The following TULP4 variants were observed in gnomAD, a reference collection of about 807,000 sequenced individuals.
TULP4 encodes the protein tubby-related protein 4.
In TULP4, 16 loss-of-function variants were observed where a neutral mutation model predicts 129.0. The observed-to-expected ratio is 0.12, with a 90% CI of 0.08 to 0.19. The LOEUF is 0.19. TULP4 is among the 10% of genes least tolerant of loss of function. The probability of loss-of-function intolerance (pLI) is 1.00; values close to 1 mark genes in which losing one functional copy is unlikely to be tolerated. For synonymous variants in TULP4, 998 were observed against 854.0 expected, an observed-to-expected ratio of 1.17 and a Z score of -2.94; for missense variants, 1,842 against 2,059.1, an observed-to-expected ratio of 0.89 and a Z score of 2.04.
At chr6:158,254,855 C>G (rs9347167) in intron 1 of TULP4, among the ~76,000 whole-genome samples, 1 of 152,004 alleles carries the variant, frequency 6.6e-6, no homozygotes, top group African/African-American at 2.4e-5. Context: ...GTGGATCACC[C>G]GAGACCGGAA....
At chr6:158,489,964 T>C (rs144122889) in intron 9 of TULP4, among the ~76,000 whole-genome samples, 1 of 152,294 alleles carries the variant, frequency 6.6e-6, no homozygotes, top group Non-Finnish European at 1.5e-5. Context: ...AGAACTTCTC[T>C]AGGGGTTAGC....
chr6:158,470,343 T>C (rs1779650934), intron 6 of TULP4, among the ~76,000 whole-genome samples: 3 of 152,056 alleles, frequency 2.0e-5, no homozygotes, highest in Non-Finnish European at 2.9e-5. Flanking sequence ...TAGAGTGAAA[T>C]AGAGTGAAAA....
chr6:158,438,516 A>C (rs762401016), intron 3 of TULP4, among the ~76,000 whole-genome samples: 6 of 152,206 alleles, frequency 3.9e-5, no homozygotes, highest in South Asian at 4.1e-4. Flanking sequence ...GTATAAAGGG[A>C]ACTTTAAAAC....
chr6:158,392,986 A>T (rs828145), intron 1 of TULP4, among the ~76,000 whole-genome samples: 11 of 7,530 alleles, frequency 1.5e-3, no homozygotes, highest in South Asian at 6.0e-3. Flanking sequence ...GTCTGTATTT[A>T]AAAAAAAAAA....
At chr6:158,375,666 A>C (rs1777167800) in intron 1 of TULP4, among the ~76,000 whole-genome samples, 1 of 152,240 alleles carries the variant, frequency 6.6e-6, no homozygotes, top group Non-Finnish European at 1.5e-5. Flanking sequence ...CTTGAGAAGG[A>C]GTTTGTAAGA....
At position 158,449,080 on chromosome 6, in the gene TULP4, G is replaced by C; in HGVS notation, c.628G>C (p.Asp210His). ...MLAHVLLHES[D>H]GVLGMSWNYP... is the part of the protein sequence containing the mutation. ...GGCCCACGTCCTCTTGCACGAGTCA[G>C]ACGGTGTCCTCGGCATGTCCTGGAA... Residue 210 changes from aspartate (D) to histidine (H), a missense_variant, in exon 4 of 14, where the codon GAC becomes CAC. This residue lies in a region of TULP4 where 456 missense variants were observed against 534.3 expected (regional missense o/e 0.85). Transcript: ENST00000367097. 1 of 1,614,130 alleles carries C rather than the reference G, an allele frequency of 6.2e-7. No homozygotes were observed. Among genetic ancestry groups the C allele is most frequent in the Non-Finnish European group, 8.5e-7 (1 of 1,180,002 alleles).
chr6:158,240,808 C>T (rs1470273872), intron 1 of TULP4, among the ~76,000 whole-genome samples: 26 of 148,944 alleles, frequency 1.7e-4, no homozygotes, highest in African/African-American at 6.1e-4. Context: ...GAACCCCCCA[C>T]CTCCCTCCCG....
chr6:158,452,230 A>G lies in TULP4; in HGVS notation c.821A>G (p.Asp274Gly). Residue 274 changes from aspartate (D) to glycine (G), a missense_variant, in exon 5 of 14, where the codon GAT (aspartate) becomes GGT (glycine). Transcript: ENST00000367097. ...GACATCAGCTTAATGAACAACTACG[A>G]TGACTTGTCTCCCACGGTCATCCGC... is the stretch of plus-strand genomic sequence containing the variant. ...SGDISLMNNY[D>G]DLSPTVIRSG... is the part of the protein sequence containing the mutation. The G allele has an allele frequency of 6.2e-7, 1 of 1,614,204 alleles. No individual in the cohort carries two copies. Among genetic ancestry groups the G allele is most frequent in the South Asian group, 1.1e-5 (1 of 91,080 alleles).
In TULP4 at chr6:158,509,751, A is replaced by C. The variant is rs1780693165; in HGVS notation, c.*3057A>C. The C allele has an allele frequency of 6.6e-6, 1 of 152,150 alleles. No individual in the cohort carries two copies. Among genetic ancestry groups the C allele is most frequent in the Non-Finnish European group, 1.5e-5 (1 of 68,036 alleles). The allele number at this position is 152,150 out of a possible 1,614,324, so 9.4% of individuals were successfully genotyped here. ...GGCAGCCACTGCCCACCTCCCCTCT[A>C]CCCAGGGGCCTGAAAAGAGGGGCTG... On this transcript the variant is annotated 3_prime_UTR_variant, in exon 14 of 14. Coordinates refer to ENST00000367097, the MANE Select transcript of TULP4 (RefSeq NM_020245.5).
chr6:158,286,326 G>A (rs771810808), intron 1 of TULP4, among the ~76,000 whole-genome samples: 21 of 152,170 alleles, frequency 1.4e-4, no homozygotes, highest in Non-Finnish European at 2.8e-4. Context: ...CTGGAATATG[G>A]AATGTGGTGG....
chr6:158,288,266 A>G (rs577399046), intron 1 of TULP4, among the ~76,000 whole-genome samples: 12 of 151,828 alleles, frequency 7.9e-5, no homozygotes, highest in African/African-American at 2.4e-5. Flanking sequence ...TTTCTTTCCA[A>G]TCTTCCTATA....
Position 158,503,005 on chromosome 6 carries a change from C to A in TULP4, c.3342C>A (p.Val1114=). The A allele has an allele frequency of 6.2e-7, 1 of 1,614,096 alleles. No homozygotes were observed. The highest frequency in any genetic ancestry group is 8.5e-7 in the Non-Finnish European group (1 of 1,180,004). The change falls in exon 13 of 14, where the codon GTC becomes GTA. Residue 1114 remains valine (V), a synonymous_variant. Transcript: ENST00000367097. This position sits in a 1 kb window ranked among gnomAD's most constrained non-coding sequence, Gnocchi z 4.3. ...ACCCTCCCCTGCCTGAAGCTGCTGT[C>A]ACCCTGAAACGGCCACCCCCTTACC... ...LRHPPLPEAA[V]TLKRPPPYQW... is the part of the protein sequence containing the mutation.
Position 158,243,620 on chromosome 6 carries a change from A to G in TULP4, n.68+11317A>G, listed in dbSNP as rs1038097138. Among the ~76,000 whole-genome samples the G allele has an allele frequency of 2.0e-5, 3 of 151,988 alleles. No homozygotes were observed. In the East Asian group the frequency reaches 5.8e-4, roughly 29 times the overall value. On this transcript the variant is annotated intron_variant and non_coding_transcript_variant, in intron 1 of 1. Coordinates refer to the TULP4 transcript ENST00000620026. ...TCTTTGCATCCTTGTAATGTAAAAT[A>G]TGTTATTTTATTTCTTGTGTTTCCT...
intron 1 of TULP4, among the ~76,000 whole-genome samples, chr6:158,299,322 A>G (rs1321664466): frequency 1.3e-5 from 2 of 152,202 alleles, no homozygotes; most frequent in East Asian, 3.8e-4. Context: ...CCAGTCTATT[A>G]CTAAACCATA....
intron 2 of TULP4, among the ~76,000 whole-genome samples, chr6:158,427,666 G>T (rs1018491290): frequency 4.0e-5 from 6 of 151,158 alleles, no homozygotes; most frequent in African/African-American, 1.5e-4. Context: ...GCTAATTTTT[G>T]TATTTTTAGT....
At chr6:158,368,130 T>G (rs1776980331) in intron 1 of TULP4, among the ~76,000 whole-genome samples, 1 of 150,906 alleles carries the variant, frequency 6.6e-6, no homozygotes, top group Non-Finnish European at 1.5e-5. Flanking sequence ...ACGTGGACAT[T>G]TGAGCTTTCC....
Position 158,503,737 on chromosome 6 carries a change from G to A in TULP4, c.4074G>A (p.Val1358=), listed in dbSNP as rs1780530054. The A allele has an allele frequency of 6.2e-7, 1 of 1,614,114 alleles. No individual in the cohort carries two copies. The stretch of plus-strand genomic sequence containing the variant: ...TTCAGGCCATCACTGAGGGCAAAGT[G>A]AAGAAGGAGGCTAGGACTTTGAGTG... ...GSVQAITEGK[V]KKEARTLSDF... Residue 1358 remains valine (V), a synonymous_variant, in exon 13 of 14, where the codon GTG becomes GTA. Transcript: ENST00000367097. The surrounding 1 kb of genome is among the most constrained non-coding windows in gnomAD (Gnocchi z 4.3).
intron 6 of TULP4, among the ~76,000 whole-genome samples, chr6:158,466,263 G>C (rs1222308022): frequency 1.3e-5 from 2 of 152,126 alleles, no homozygotes; most frequent in South Asian, 2.1e-4. Context: ...CCATTCAGTC[G>C]ATAGGGGGCT....
chr6:158,292,920 C>T (rs1778969886), intron 1 of TULP4, among the ~76,000 whole-genome samples: 1 of 152,154 alleles, frequency 6.6e-6, no homozygotes, highest in South Asian at 2.1e-4. Context: ...TTATTTCTTT[C>T]AGACTTCGTT....
Sources: gnomAD v4.1 joint callset for allele counts (sites outside exome capture counted in the v4.1 genomes callset) on GRCh38, gnomAD v4.1.1 for gene constraint, gnomAD v4.1.1 regional missense constraint, Gnocchi (gnomAD v3.1) non-coding constraint, MANE v1.5 for transcripts, NCBI Gene and HGNC (gene_info 2026-07-23, HGNC 2026-07-21) for gene names.